The following FAM117B variants were observed in gnomAD, a reference collection of about 807,000 sequenced individuals.
The protein encoded by FAM117B is family with sequence similarity 117 member B, also known as protein FAM117B.
FAM117B carries 22 observed loss-of-function variants against 52.8 expected under a neutral mutation model. The ratio of observed to expected loss-of-function variants is 0.42; its 90% confidence interval spans 0.30 to 0.59. The LOEUF (loss-of-function observed/expected upper bound fraction) is 0.59. FAM117B is among the 20% of genes least tolerant of loss of function. FAM117B has a pLI of 0.22. For missense variants in FAM117B, 678 were observed against 802.6 expected (o/e 0.84, Z 1.88); for synonymous variants, 309 against 324.1 (o/e 0.95, Z 0.50).
intron 1 of FAM117B, among the ~76,000 whole-genome samples, chr2:202,661,866 A>G (rs1168758955): frequency 1.3e-5 from 2 of 151,020 alleles, no homozygotes; most frequent in African/African-American, 4.9e-5. Flanking sequence ...CAGTGAGCCG[A>G]GATCATGCCA....
chr2:202,741,793 C>T (rs1691544481), intron 4 of FAM117B, among the ~76,000 whole-genome samples: 1 of 152,146 alleles, frequency 6.6e-6, no homozygotes. Flanking sequence ...GCCTTGGCCT[C>T]CCAACCTGGG....
chr2:202,715,698 G>A (rs1027306525), intron 2 of FAM117B, among the ~76,000 whole-genome samples: 2 of 152,244 alleles, frequency 1.3e-5, no homozygotes, highest in African/African-American at 4.8e-5. Context: ...GGCAGAGGCT[G>A]CAATCTCGGC....
At chr2:202,659,918 C>T (rs12328320) in intron 1 of FAM117B, among the ~76,000 whole-genome samples, 12,356 of 151,808 alleles carry the variant, frequency 0.081, 1,667 homozygotes, top group African/African-American at 0.28. Context: ...TGCGCCCGGC[C>T]ACCACCGTGC....
At chr2:202,714,950 C>G (rs1329856533) in intron 2 of FAM117B, among the ~76,000 whole-genome samples, 1 of 152,116 alleles carries the variant, frequency 6.6e-6, no homozygotes, top group Non-Finnish European at 1.5e-5. Flanking sequence ...ACAGACACAG[C>G]AACCATCCGA....
In FAM117B at chr2:202,716,288, G is replaced by A. The variant is rs540981518; in HGVS notation, c.754-8629G>A. Among the ~76,000 whole-genome samples, 32 of 151,664 alleles carry A rather than the reference G, an allele frequency of 2.1e-4. 1 individual carries two copies. The South Asian group carries it at 6.3e-3, about 30-fold the overall frequency. On this transcript the variant is annotated intron_variant, in intron 2 of 7. Transcript: ENST00000392238. ...ATATAGTTTTTCATAAATGAAATGT[G>A]TTTCTTGTAGGCAGCAGATCATTGG... is the stretch of plus-strand genomic sequence containing the variant.
In FAM117B at chr2:202,635,634, C is replaced by A. The variant is rs1009362021; in HGVS notation, c.447C>A (p.Thr149=). 7.5e-7 allele frequency: 1 copy of A among 1,328,394 alleles called. No individual in the cohort carries two copies. The allele number at this position is 1,328,394 out of a possible 1,614,324, so 82.3% of individuals were successfully genotyped here. The change falls in exon 1 of 8, where the codon ACC becomes ACA. Residue 149 remains threonine, a synonymous_variant. Transcript: ENST00000392238. The stretch of plus-strand genomic sequence containing the variant: ...CGCCGCCGCCGCCGCTGCTGGGCAC[C>A]GTGTCGTCGCCCAGCTCGTCGCCCA... ...RPPPPPPLLG[T]VSSPSSSPTH...
intron 1 of FAM117B, among the ~76,000 whole-genome samples, chr2:202,695,301 G>C (rs181412682): frequency 6.6e-6 from 1 of 151,766 alleles, no homozygotes; most frequent in Admixed American, 6.6e-5. Context: ...AGTCAACCTT[G>C]GTCTGAAAAG....
At chr2:202,747,991 A>C (rs1211320130) in intron 4 of FAM117B, among the ~76,000 whole-genome samples, 2 of 152,198 alleles carry the variant, frequency 1.3e-5, no homozygotes, top group Admixed American at 1.3e-4. Flanking sequence ...GAACCACAAA[A>C]GTCCCCAAAT....
intron 7 of FAM117B, among the ~76,000 whole-genome samples, chr2:202,763,173 G>A (rs936182908): frequency 1.3e-5 from 2 of 150,074 alleles, no homozygotes; most frequent in Non-Finnish European, 2.9e-5. Context: ...CCGGGTTCGC[G>A]CCATTCTCCT....
At chr2:202,732,380 A>G (rs777777968) in intron 4 of FAM117B, among the ~76,000 whole-genome samples, 1 of 152,208 alleles carries the variant, frequency 6.6e-6, no homozygotes, top group Non-Finnish European at 1.5e-5. Context: ...AGCATTATTC[A>G]TAATAGCCAA....
At chr2:202,706,277 C>G (rs1427115774) in intron 2 of FAM117B, among the ~76,000 whole-genome samples, 1 of 151,952 alleles carries the variant, frequency 6.6e-6, no homozygotes, top group African/African-American at 2.4e-5. Context: ...TTTCTTGGAC[C>G]CTCTGTGTTT....
chr2:202,739,031 A>G (rs969667383), intron 4 of FAM117B, among the ~76,000 whole-genome samples: 1 of 152,286 alleles, frequency 6.6e-6, no homozygotes, highest in South Asian at 2.1e-4. Context: ...TGTATTAACA[A>G]TACAAAAATT....
intron 1 of FAM117B, among the ~76,000 whole-genome samples, chr2:202,688,200 A>T (rs1382853180): frequency 6.6e-6 from 1 of 152,158 alleles, no homozygotes; most frequent in Non-Finnish European, 1.5e-5. Flanking sequence ...ATGCATACTT[A>T]GATGTAGAAT....
Position 202,635,727 on chromosome 2 carries a change from T to C in FAM117B, c.540T>C (p.Ser180=), listed in dbSNP as rs1203051219. ...CCCGCGTCCGGCATCGGAGGAGGTC[T>C]CCGGAGCAGAGCCGAAGCTCGCCGG... ...PPARVRHRRR[S]PEQSRSSPEK... Residue 180 remains serine (S), a synonymous_variant, in exon 1 of 8, where the codon TCT becomes TCC. Coordinates refer to ENST00000392238, the MANE Select transcript of FAM117B (RefSeq NM_173511.4). 6 of 1,454,490 alleles carry C rather than the reference T, an allele frequency of 4.1e-6. No homozygotes were observed. In the African/African-American group the frequency reaches 7.4e-5, roughly 18 times the overall value. 90.1% of individuals were successfully genotyped at this position (1,454,490 alleles called of 1,614,324 possible).
chr2:202,730,849 T>C (rs1348330926), intron 4 of FAM117B, among the ~76,000 whole-genome samples: 1 of 152,198 alleles, frequency 6.6e-6, no homozygotes. Flanking sequence ...GGCAATGGCT[T>C]CTTAGAAATG....
intron 6 of FAM117B, 41 bp from the exon 7 acceptor site, chr2:202,759,181 ATATAGTATGAC>A: frequency 6.3e-7 from 1 of 1,599,848 alleles, no homozygotes; most frequent in East Asian, 2.2e-5. Context: ...GAACAATTAA[ATATAGTATGAC>A]TATACATTTA....
intron 4 of FAM117B, among the ~76,000 whole-genome samples, chr2:202,750,566 A>G (rs1271956361): frequency 2.0e-5 from 3 of 152,198 alleles, no homozygotes; most frequent in Non-Finnish European, 4.4e-5. Flanking sequence ...CCCATGTCCA[A>G]ATACAGCCAC....
intron 2 of FAM117B, among the ~76,000 whole-genome samples, chr2:202,706,094 G>A (rs1288286157): frequency 1.3e-5 from 2 of 152,044 alleles, no homozygotes; most frequent in South Asian, 2.1e-4. Context: ...CATAATCACC[G>A]TGCACTATAG....
chr2:202,736,203 T>C (rs1331318401), intron 4 of FAM117B, among the ~76,000 whole-genome samples: 1 of 152,258 alleles, frequency 6.6e-6, no homozygotes, highest in African/African-American at 2.4e-5. Context: ...ATGAATGTTA[T>C]TTAATTTTTA....
Sources: allele counts gnomAD v4.1 joint callset (sites outside exome capture counted in the v4.1 genomes callset), GRCh38; gene constraint gnomAD v4.1.1; transcripts MANE v1.5; gene names NCBI Gene and HGNC (gene_info 2026-07-23, HGNC 2026-07-21).